The following UBE2E2 variants were observed in gnomAD, a reference collection of about 807,000 sequenced individuals.
UBE2E2 encodes ubiquitin conjugating enzyme E2 E2, also known as ubiquitin-conjugating enzyme E2 E2.
UBE2E2 carries 6 observed loss-of-function variants against 24.7 expected under a neutral mutation model. The ratio of observed to expected loss-of-function variants is 0.24; its 90% CI spans 0.13 to 0.48. The LOEUF (loss-of-function observed/expected upper bound fraction) is 0.48. Among genes scored for constraint, UBE2E2 ranks in the 20% least tolerant of loss-of-function variants. UBE2E2 has a pLI of 0.99. For missense variants in UBE2E2, 169 were observed against 245.0 expected, an observed-to-expected ratio of 0.69 and a Z score of 2.07; for synonymous variants, 104 against 83.6, an observed-to-expected ratio of 1.24 and a Z score of -1.33.
intron 3 of UBE2E2, among the ~76,000 whole-genome samples, chr3:23,219,620 A>G (rs1696569762): frequency 6.6e-6 from 1 of 152,190 alleles, no homozygotes; most frequent in African/African-American, 2.4e-5. Context: ...TTATCTGCCT[A>G]ATAGAAGTCA....
intron 5 of UBE2E2, among the ~76,000 whole-genome samples, chr3:23,560,768 G>A (rs1336626971): frequency 6.6e-6 from 1 of 152,116 alleles, no homozygotes; most frequent in African/African-American, 2.4e-5. Context: ...TCTAACTGGT[G>A]TGAGATGGTA....
chr3:23,469,712 T>G (rs779459011), intron 3 of UBE2E2, among the ~76,000 whole-genome samples: 19 of 152,234 alleles, frequency 1.2e-4, no homozygotes, highest in Non-Finnish European at 1.2e-4. Flanking sequence ...TATACATGAT[T>G]AAACAAGTTC....
At chr3:23,224,837 T>C (rs1046324209) in intron 3 of UBE2E2, among the ~76,000 whole-genome samples, 3 of 152,200 alleles carry the variant, frequency 2.0e-5, no homozygotes, top group Non-Finnish European at 4.4e-5. Flanking sequence ...ACATTTGTTT[T>C]CATTTCTCTT....
At chr3:23,343,590 T>C (rs1023930879) in intron 3 of UBE2E2, among the ~76,000 whole-genome samples, 1 of 152,140 alleles carries the variant, frequency 6.6e-6, no homozygotes, top group Admixed American at 6.6e-5. Flanking sequence ...AAAAAAGTTC[T>C]GAAGTGAACA....
chr3:23,516,129 C>T (rs929021159), intron 4 of UBE2E2, among the ~76,000 whole-genome samples: 2 of 152,130 alleles, frequency 1.3e-5, no homozygotes, highest in Non-Finnish European at 2.9e-5. Context: ...TCTTGGATAC[C>T]AGTTACACTG....
chr3:23,297,575 C>T (rs1194395701), intron 3 of UBE2E2, among the ~76,000 whole-genome samples: 3 of 152,152 alleles, frequency 2.0e-5, no homozygotes, highest in Non-Finnish European at 4.4e-5. Context: ...GAATCCTTTC[C>T]CCATTGCTTG....
At chr3:23,251,507 C>T (rs902215534) in intron 3 of UBE2E2, among the ~76,000 whole-genome samples, 2 of 152,200 alleles carry the variant, frequency 1.3e-5, no homozygotes, top group Non-Finnish European at 2.9e-5. Context: ...ATTTTAAAAA[C>T]ATGCAGTCTT....
intron 4 of UBE2E2, among the ~76,000 whole-genome samples, chr3:23,508,359 A>G (rs138956521): frequency 6.6e-6 from 1 of 152,368 alleles, no homozygotes; most frequent in African/African-American, 2.4e-5. Flanking sequence ...ATTGTAAGCC[A>G]AATTAAATAT....
chr3:23,512,469 G>A (rs372535092), intron 4 of UBE2E2, among the ~76,000 whole-genome samples: 3 of 152,108 alleles, frequency 2.0e-5, no homozygotes, highest in African/African-American at 7.2e-5. Context: ...GTCCTCCTGA[G>A]CTCAACCAGT....
intron 5 of UBE2E2, among the ~76,000 whole-genome samples, chr3:23,539,520 T>A (rs922629506): frequency 2.0e-5 from 3 of 152,188 alleles, no homozygotes; most frequent in Admixed American, 2.0e-4. Context: ...AATAAGAAAA[T>A]ACAGTGTTGT....
At chr3:23,456,910 T>G (rs1249680783) in intron 3 of UBE2E2, among the ~76,000 whole-genome samples, 1 of 152,216 alleles carries the variant, frequency 6.6e-6, no homozygotes, top group Non-Finnish European at 1.5e-5. Context: ...AGATGGCCTC[T>G]TCTTCCAAAA....
intron 3 of UBE2E2, among the ~76,000 whole-genome samples, chr3:23,420,647 C>T (rs1197573784): frequency 6.6e-6 from 1 of 152,198 alleles, no homozygotes; most frequent in African/African-American, 2.4e-5. Context: ...GATTTCTTTA[C>T]AGTATTCTTC....
intron 3 of UBE2E2, among the ~76,000 whole-genome samples, chr3:23,484,810 C>T (rs1699327861): frequency 6.6e-6 from 1 of 152,094 alleles, no homozygotes; most frequent in Non-Finnish European, 1.5e-5. Context: ...CTTTATAAAA[C>T]CATCAGATCT....
At chr3:23,492,840 T>C (rs1176459373) in intron 3 of UBE2E2, among the ~76,000 whole-genome samples, 2 of 152,260 alleles carry the variant, frequency 1.3e-5, no homozygotes, top group East Asian at 1.9e-4. Flanking sequence ...GAGCTATGTA[T>C]GTAATTTTAA....
chr3:23,421,819 G>A (rs1013944650), intron 3 of UBE2E2, among the ~76,000 whole-genome samples: 1 of 152,278 alleles, frequency 6.6e-6, no homozygotes, highest in African/African-American at 2.4e-5. Flanking sequence ...CATGGAATAA[G>A]AGTCATTAGA....
chr3:23,325,468 G>C (rs116194398), intron 3 of UBE2E2, among the ~76,000 whole-genome samples: 1,952 of 152,180 alleles, frequency 0.013, 43 homozygotes, highest in African/African-American at 0.044. Flanking sequence ...TTACTGTTAG[G>C]ATTTGAACAC....
At chr3:23,265,287 A>G (rs931128354) in intron 3 of UBE2E2, among the ~76,000 whole-genome samples, 1 of 152,140 alleles carries the variant, frequency 6.6e-6, no homozygotes, top group African/African-American at 2.4e-5. Flanking sequence ...GAGGGTGGCA[A>G]GTGGATCATC....
chr3:23,229,029 C>T (rs998908960), intron 3 of UBE2E2, among the ~76,000 whole-genome samples: 13 of 152,160 alleles, frequency 8.5e-5, no homozygotes, highest in African/African-American at 2.9e-4. Context: ...ATTCCGCTAC[C>T]ATCACTTCTC....
chr3:23,366,819 G>A (rs997205184), intron 3 of UBE2E2, among the ~76,000 whole-genome samples: 1 of 152,114 alleles, frequency 6.6e-6, no homozygotes. Context: ...AGAGTAAATT[G>A]TGAAAAATTA....
Sources: gnomAD v4.1 joint callset for allele counts (sites outside exome capture counted in the v4.1 genomes callset) on GRCh38, gnomAD v4.1.1 for gene constraint, MANE v1.5 for transcripts, NCBI Gene and HGNC (gene_info 2026-07-23, HGNC 2026-07-21) for gene names.